DSE: variants seen among roughly 807,000 people sequenced by gnomAD.
DSE encodes the protein dermatan-sulfate epimerase.
Under a neutral mutation model 84.4 loss-of-function variants are expected in DSE, and 36 were observed. The ratio of observed to expected loss-of-function variants is 0.43; its 90% confidence interval spans 0.33 to 0.56. DSE has a LOEUF of 0.56. DSE is among the 20% of genes least tolerant of loss of function. DSE has a pLI of 0.06. For missense variants in DSE, 862 were observed against 1,169.6 expected (o/e 0.74, Z 3.84); for synonymous variants, 410 against 430.1 (o/e 0.95, Z 0.58).
Position 116,371,119 on chromosome 6 carries a change from G to A in DSE, c.-56G>A, listed in dbSNP as rs970161951. On this transcript the variant is annotated splice_region_variant and 5_prime_UTR_variant, in exon 1 of 6. Coordinates refer to ENST00000644252, the MANE Select transcript of DSE (RefSeq NM_013352.4). The stretch of plus-strand genomic sequence containing the variant: ...GGAGAGAACGAAGCCTCGGCTGGGA[G>A]CGGTAAGTGGAGGGGCGCGCAAGGG... The A allele has an allele frequency of 3.0e-6, 3 of 986,236 alleles. No homozygotes were observed. Among genetic ancestry groups the A allele is most frequent in the Non-Finnish European group, 3.6e-6 (3 of 830,614 alleles). The allele number at this position is 986,236 out of a possible 1,614,324, so 61.1% of individuals were successfully genotyped here.
intron 2 of DSE, among the ~76,000 whole-genome samples, chr6:116,422,316 T>C (rs1047375756): frequency 6.6e-6 from 1 of 152,228 alleles, no homozygotes; most frequent in Non-Finnish European, 1.5e-5. Flanking sequence ...AAAATTCTTA[T>C]TTCCAGTTGA....
At chr6:116,415,971 A>G (rs562845167) in intron 2 of DSE, among the ~76,000 whole-genome samples, 18 of 152,362 alleles carry the variant, frequency 1.2e-4, no homozygotes, top group Non-Finnish European at 2.4e-4. Flanking sequence ...GCTAAAATCA[A>G]GGTGTTAGCA....
chr6:116,395,211 G>A lies in DSE; in HGVS notation c.-53-3987G>A, dbSNP rs548265231. 1.6e-3 allele frequency among the ~76,000 whole-genome samples: 238 copies of A among 151,488 alleles called. 1 individual carries two copies. The highest frequency in any genetic ancestry group is 5.6e-3 in the African/African-American group (229 of 40,890). On this transcript the variant is annotated intron_variant, in intron 1 of 5. Coordinates refer to ENST00000644252, the MANE Select transcript of DSE (RefSeq NM_013352.4). The stretch of plus-strand genomic sequence containing the variant: ...GAGGCCGAGGCGGGTGGATCACGAG[G>A]TCAAGAGAGCGAGACCATCCTGGCT...
At position 116,399,339 on chromosome 6, in the gene DSE, A is replaced by C. The variant is rs757291403; in HGVS notation, c.89A>C (p.Glu30Ala). The C allele has an allele frequency of 6.2e-7, 1 of 1,614,060 alleles. No homozygotes were observed. ...GCCTACATCACCGACGAGAACCCAG[A>C]AGTTATGATTCCCTTCACCAATGCC... ...VSAYITDENP[E>A]VMIPFTNANY... Residue 30 changes from glutamate to alanine, a missense_variant, in exon 2 of 6, where the codon GAA becomes GCA. Glu to Ala is a moderately radical substitution (Grantham distance 107). Coordinates refer to ENST00000644252, the MANE Select transcript of DSE (RefSeq NM_013352.4).
chr6:116,422,147 TG>T (rs1240231011), intron 2 of DSE, among the ~76,000 whole-genome samples: 1 of 152,262 alleles, frequency 6.6e-6, no homozygotes, highest in Non-Finnish European at 1.5e-5. Context: ...TTTGTTATTT[TG>T]CATGTGTGTT....
upstream of DSE, chr6:116,370,008 G>A: frequency 4.9e-6 from 6 of 1,227,100 alleles, no homozygotes; most frequent in South Asian, 5.0e-5. Flanking sequence ...AGGTGGAAGG[G>A]GCAAAGTATT....
intron 2 of DSE, among the ~76,000 whole-genome samples, chr6:116,303,739 CA>C (rs1239342840): frequency 6.6e-6 from 1 of 152,044 alleles, no homozygotes; most frequent in Admixed American, 6.5e-5. Flanking sequence ...GATAAAATAG[CA>C]AAAACCATAT....
chr6:116,378,290 G>C (rs1780041442), intron 1 of DSE, among the ~76,000 whole-genome samples: 1 of 152,030 alleles, frequency 6.6e-6, no homozygotes, highest in African/African-American at 2.4e-5. Context: ...GTTTAAATGG[G>C]GTTGCCTTGA....
At chr6:116,309,967 A>T (rs1775584707) in intron 2 of DSE, among the ~76,000 whole-genome samples, 1 of 152,218 alleles carries the variant, frequency 6.6e-6, no homozygotes, top group East Asian at 1.9e-4. Context: ...AAAAAGAAGC[A>T]TTTAAACCAT....
Position 116,437,544 on chromosome 6 carries a change from TTGG to T in DSE, c.*204_*206del. ...AAATTATCAAAGCAATAGAAATAGC[TTGG>T]TGGTCCTATGGTGTTTTTGGAAGTA... On this transcript the variant is annotated 3_prime_UTR_variant, in exon 6 of 6. Coordinates refer to ENST00000644252, the MANE Select transcript of DSE (RefSeq NM_013352.4). 1 of 555,046 alleles carries T rather than the reference TTGG, an allele frequency of 1.8e-6. No homozygotes were observed. The highest frequency in any genetic ancestry group is 3.1e-6 in the Non-Finnish European group (1 of 325,984). 34.4% of individuals were successfully genotyped at this position (555,046 alleles called of 1,614,324 possible).
In DSE at chr6:116,437,504, T is replaced by C; in HGVS notation, c.*159T>C. 1.5e-6 allele frequency: 1 copy of C among 677,416 alleles called. No homozygotes were observed. Among genetic ancestry groups the C allele is most frequent in the East Asian group, 2.9e-5 (1 of 34,472 alleles). 42.0% of individuals were successfully genotyped at this position (677,416 alleles called of 1,614,324 possible). ...ACAAGAAAGCAGGAACGTGGAGAAA[T>C]TGGAGCAGGAAAAGAAATTATCAAA... On this transcript the variant is annotated 3_prime_UTR_variant, in exon 6 of 6. Coordinates refer to ENST00000644252, the MANE Select transcript of DSE (RefSeq NM_013352.4).
At chr6:116,427,629 G>A (rs1039842692) in intron 3 of DSE, among the ~76,000 whole-genome samples, 6 of 152,156 alleles carry the variant, frequency 3.9e-5, no homozygotes, top group African/African-American at 1.4e-4. Context: ...TTAGGTCTTA[G>A]AGGAAAAGAA....
At chr6:116,294,848 A>G (rs1774556716) in intron 2 of DSE, among the ~76,000 whole-genome samples, 1 of 152,134 alleles carries the variant, frequency 6.6e-6, no homozygotes, top group Non-Finnish European at 1.5e-5. Flanking sequence ...ATTACCAATT[A>G]CCAGTGGAAA....
intron 2 of DSE, among the ~76,000 whole-genome samples, chr6:116,310,902 G>A (rs898009592): frequency 6.6e-6 from 1 of 152,174 alleles, no homozygotes; most frequent in Non-Finnish European, 1.5e-5. Context: ...TGTCTTGTGT[G>A]GCCACAGGGT....
At chr6:116,344,716 C>G (rs1777840216) in intron 2 of DSE, among the ~76,000 whole-genome samples, 1 of 152,216 alleles carries the variant, frequency 6.6e-6, no homozygotes, top group Non-Finnish European at 1.5e-5. Flanking sequence ...ACTGCATCAA[C>G]TAATGAGCAA....
intron 2 of DSE, chr6:116,279,638 AAGGCGGTGG>A (rs1410664860): frequency 7.5e-6 from 12 of 1,604,984 alleles, no homozygotes; most frequent in East Asian, 2.2e-5. Context: ...CCCTCCTCTG[AAGGCGGTGG>A]AGGCGGGAGC....
Position 116,415,631 on chromosome 6 carries a change from T to G in DSE, c.417-10943T>G, listed in dbSNP as rs146866849. On this transcript the variant is annotated intron_variant, in intron 2 of 5. Coordinates refer to ENST00000644252, the MANE Select transcript of DSE (RefSeq NM_013352.4). Reference sequence around the variant, plus strand: ...TTTTTTCCTCTGCTGTTTTCTATTTTATTTTCTTACTTTTTTTGCATTTTC... The same window carrying G: ...TTTTTTCCTCTGCTGTTTTCTATTTGATTTTCTTACTTTTTTTGCATTTTC... Among the ~76,000 whole-genome samples the G allele has an allele frequency of 1.7e-3, 251 of 151,996 alleles. 1 individual carries two copies. The highest frequency in any genetic ancestry group is 5.6e-3 in the African/African-American group (233 of 41,506).
intron 2 of DSE, among the ~76,000 whole-genome samples, chr6:116,422,373 A>C (rs1345318284): frequency 2.0e-5 from 3 of 152,214 alleles, no homozygotes; most frequent in Non-Finnish European, 4.4e-5. Context: ...GCTTTCCTTG[A>C]ACTGGCAGGC....
chr6:116,333,834 C>T (rs559098818), intron 2 of DSE, among the ~76,000 whole-genome samples: 1 of 152,114 alleles, frequency 6.6e-6, no homozygotes, highest in African/African-American at 2.4e-5. Context: ...TTACTTGATG[C>T]CTTTTGCTCC....
Sources: gnomAD v4.1 joint callset for allele counts (sites outside exome capture counted in the v4.1 genomes callset) on GRCh38, gnomAD v4.1.1 for gene constraint, MANE v1.5 for transcripts, NCBI Gene and HGNC (gene_info 2026-07-23, HGNC 2026-07-21) for gene names.